The following ITPR2 variants were observed in gnomAD, a reference collection of about 807,000 sequenced individuals.
ITPR2 encodes the protein inositol 1,4,5-trisphosphate receptor type 2.
A neutral mutation model predicts 317.1 loss-of-function variants in ITPR2; 207 were observed. The observed-to-expected ratio is 0.65, with a 90% CI of 0.58 to 0.73. ITPR2 has a LOEUF of 0.73. Ranked by LOEUF, ITPR2 falls within the 30% of genes least tolerant of loss-of-function variation. The pLI, the probability that ITPR2 is intolerant of heterozygous loss-of-function variation, is 0.00. For missense variants in ITPR2, 2,613 were observed against 3,284.0 expected (o/e 0.80, Z 4.99); for synonymous variants, 1,156 against 1,149.1 (o/e 1.01, Z -0.12).
chr12:26,448,320 G>C (rs1029807436), intron 45 of ITPR2, among the ~76,000 whole-genome samples: 2 of 151,644 alleles, frequency 1.3e-5, no homozygotes, highest in African/African-American at 4.8e-5. Context: ...ATGATAATGA[G>C]AGTCTGAATT....
chr12:26,639,631 C>T (rs1946939496), intron 21 of ITPR2, among the ~76,000 whole-genome samples: 1 of 126,732 alleles, frequency 7.9e-6, no homozygotes, highest in Non-Finnish European at 1.6e-5. Context: ...TCCCCCCACC[C>T]CACGACAGTC....
intron 21 of ITPR2, among the ~76,000 whole-genome samples, chr12:26,645,970 CTTTT>C (rs777192053): frequency 3.4e-5 from 4 of 119,018 alleles, no homozygotes; most frequent in African/African-American, 1.3e-4. Flanking sequence ...TCTTTCTTTC[CTTTT>C]TTTTTTTTTT....
intron 2 of ITPR2, among the ~76,000 whole-genome samples, chr12:26,784,701 C>T (rs1275664603): frequency 1.3e-5 from 2 of 151,550 alleles, no homozygotes; most frequent in Non-Finnish European, 2.9e-5. Context: ...ACAGCCTCCA[C>T]CTCCCAACCG....
chr12:26,482,826 C>A (rs966829355), intron 42 of ITPR2, among the ~76,000 whole-genome samples: 1 of 152,194 alleles, frequency 6.6e-6, no homozygotes, highest in Admixed American at 6.5e-5. Context: ...ATGTAAACTG[C>A]AATGTTTAAA....
intron 22 of ITPR2, among the ~76,000 whole-genome samples, chr12:26,629,859 C>A (rs7968750): frequency 6.6e-6 from 1 of 152,100 alleles, no homozygotes; most frequent in East Asian, 1.9e-4. Flanking sequence ...ACCAGACATG[C>A]GTTAAACAAG....
chr12:26,495,436 A>C (rs1345269133), intron 37 of ITPR2, 176 bp from the exon 38 acceptor site: 5 of 534,008 alleles, frequency 9.4e-6, no homozygotes, highest in South Asian at 7.3e-5. Flanking sequence ...CAATAAAATA[A>C]TCATTTTGCT....
chr12:26,744,941 T>G (rs1253731647), intron 2 of ITPR2, among the ~76,000 whole-genome samples: 1 of 152,246 alleles, frequency 6.6e-6, no homozygotes, highest in Non-Finnish European at 1.5e-5. Context: ...AGGCAAACTG[T>G]TATGCACGTA....
At chr12:26,452,542 C>T (rs1941766800) in intron 45 of ITPR2, among the ~76,000 whole-genome samples, 1 of 151,934 alleles carries the variant, frequency 6.6e-6, no homozygotes, top group Non-Finnish European at 1.5e-5. Context: ...AATTTTGTCC[C>T]CAGTGTGGTG....
intron 26 of ITPR2, among the ~76,000 whole-genome samples, chr12:26,618,540 C>T (rs1347136548): frequency 6.6e-6 from 1 of 152,154 alleles, no homozygotes; most frequent in Admixed American, 6.5e-5. Context: ...GAGAAAAACA[C>T]CCATCATAAG....
chr12:26,567,663 A>T (rs1045978841), intron 34 of ITPR2, among the ~76,000 whole-genome samples: 6 of 152,000 alleles, frequency 3.9e-5, no homozygotes, highest in African/African-American at 1.5e-4. Context: ...GTAAAAACAC[A>T]AGTATTTCTA....
intron 23 of ITPR2, among the ~76,000 whole-genome samples, chr12:26,626,339 T>C (rs1453654374): frequency 6.6e-6 from 1 of 152,112 alleles, no homozygotes; most frequent in Non-Finnish European, 1.5e-5. Context: ...CACAGTAAGA[T>C]ATAAAAGTGG....
At chr12:26,772,434 AC>A (rs1167979426) in intron 2 of ITPR2, among the ~76,000 whole-genome samples, 1 of 122,068 alleles carries the variant, frequency 8.2e-6, no homozygotes, top group Non-Finnish European at 1.7e-5. Flanking sequence ...TATATATAAT[AC>A]ATGTATTATA....
chr12:26,700,260 G>A (rs1385541895), intron 9 of ITPR2, among the ~76,000 whole-genome samples: 3 of 152,178 alleles, frequency 2.0e-5, no homozygotes, highest in Admixed American at 6.5e-5. Flanking sequence ...AAGCCTTGAA[G>A]GATGGGTAGA....
chr12:26,632,157 G>C, intron 21 of ITPR2, 98 bp from the exon 22 acceptor site: 1 of 897,328 alleles, frequency 1.1e-6, no homozygotes. Context: ...AAGCAGCCAG[G>C]AAAAGGATTC....
rs747728928 is a variant in ITPR2, at chr12:26,398,998, T to TA, written c.7573dup (p.Tyr2525LeufsTer22). On this transcript the variant is annotated frameshift_variant, in exon 54 of 57. Coordinates refer to ENST00000381340, the MANE Select transcript of ITPR2 (RefSeq NM_002223.4). LOFTEE classifies it high-confidence loss of function. Reference sequence around the variant, plus strand: ...CAGAACAATAATGATAACAATGAAATAAAAAAGAAGGTCATAAACCACTCG... The same window carrying TA: ...CAGAACAATAATGATAACAATGAAATAAAAAAAGAAGGTCATAAACCACTCG... 6 of 1,602,382 alleles carry TA rather than the reference T, an allele frequency of 3.7e-6. No individual in the cohort carries two copies. Among genetic ancestry groups the TA allele is most frequent in the Non-Finnish European group, 5.1e-6 (6 of 1,177,274 alleles).
rs144756083 is a variant in ITPR2, at chr12:26,350,603, T to A, written c.7858-10275A>T. ...TGGGAAAACAGGTGTGGATACCAAG[T>A]GTGATGAGGACCCTTGAGCTTAGCT... On this transcript the variant is annotated intron_variant, in intron 55 of 56. Transcript: ENST00000381340. Among the ~76,000 whole-genome samples, 868 of 152,108 alleles carry A rather than the reference T, an allele frequency of 5.7e-3. 4 individuals are homozygous for A. The highest frequency in any genetic ancestry group is 0.02 in the African/African-American group (813 of 41,474).
intron 52 of ITPR2, among the ~76,000 whole-genome samples, chr12:26,405,605 G>T (rs1374227427): frequency 6.6e-6 from 1 of 152,148 alleles, no homozygotes; most frequent in Non-Finnish European, 1.5e-5. Flanking sequence ...TTGAATAACG[G>T]TATTTAATAA....
intron 13 of ITPR2, among the ~76,000 whole-genome samples, chr12:26,670,157 G>A (rs928300803): frequency 1.4e-4 from 21 of 152,272 alleles, no homozygotes; most frequent in Admixed American, 1.2e-3. Context: ...AACCTCTGCA[G>A]ACTTAAATGT....
intron 23 of ITPR2, among the ~76,000 whole-genome samples, chr12:26,626,523 A>G (rs1946627906): frequency 6.6e-6 from 1 of 152,230 alleles, no homozygotes; most frequent in South Asian, 2.1e-4. Context: ...TTTTTATGCT[A>G]CTGTCAATGC....
Sources: allele counts gnomAD v4.1 joint callset (sites outside exome capture counted in the v4.1 genomes callset), GRCh38; gene constraint gnomAD v4.1.1; transcripts MANE v1.5; gene names NCBI Gene and HGNC (gene_info 2026-07-23, HGNC 2026-07-21).